Variants in NRXN1 observed in about 807,000 individuals in gnomAD.
NRXN1 encodes the protein neurexin 1, also known as neurexin-1.
Under a neutral mutation model 150.9 loss-of-function variants are expected in NRXN1, and 39 were observed. The ratio of observed to expected loss-of-function variants is 0.26; its 90% CI spans 0.20 to 0.34. The LOEUF (loss-of-function observed/expected upper bound fraction) is 0.34, where lower values mean the gene tolerates loss of function less well. Among genes scored for constraint, NRXN1 ranks in the 10% least tolerant of loss-of-function variants. The pLI is 1.00. For synonymous variants in NRXN1, 924 were observed against 757.0 expected (o/e 1.22, Z -3.62); for missense variants, 1,815 against 1,949.9 (o/e 0.93, Z 1.30).
intron 5 of NRXN1, among the ~76,000 whole-genome samples, chr2:50,887,608 CTA>C (rs758912646): frequency 6.6e-5 from 10 of 151,340 alleles, no homozygotes; most frequent in African/African-American, 9.7e-5. Flanking sequence ...CTTTTAATGT[CTA>C]TGAGTCAAAA....
intron 5 of NRXN1, among the ~76,000 whole-genome samples, chr2:50,693,973 T>C (rs1692438026): frequency 6.6e-6 from 1 of 152,028 alleles, no homozygotes; most frequent in Admixed American, 6.6e-5. Context: ...TTTTATTTTT[T>C]GTAGAAATAG....
chr2:50,165,685 T>A (rs1390292347), intron 18 of NRXN1, among the ~76,000 whole-genome samples: 1 of 152,150 alleles, frequency 6.6e-6, no homozygotes, highest in Non-Finnish European at 1.5e-5. Context: ...TCTCTGAGCC[T>A]TACTTTCCTC....
intron 17 of NRXN1, among the ~76,000 whole-genome samples, chr2:50,424,190 G>A (rs2084268488): frequency 1.1e-5 from 1 of 91,512 alleles, no homozygotes; most frequent in African/African-American, 4.9e-5. Context: ...AGGAAGAGGG[G>A]GAGGAGGAGG....
At chr2:50,746,223 C>A (rs1384021497) in intron 5 of NRXN1, among the ~76,000 whole-genome samples, 1 of 151,996 alleles carries the variant, frequency 6.6e-6, no homozygotes, top group Non-Finnish European at 1.5e-5. Context: ...CAAGAGCTCA[C>A]TGGTGTGAGG....
chr2:50,393,177 T>A (rs202163993), intron 17 of NRXN1, among the ~76,000 whole-genome samples: 19,007 of 121,168 alleles, frequency 0.16, 1,274 homozygotes, highest in African/African-American at 0.23. Context: ...AAAAAAAAAA[T>A]AATAATAAAA....
chr2:50,945,830 C>T (rs12616588), intron 2 of NRXN1, among the ~76,000 whole-genome samples: 119,026 of 149,080 alleles, frequency 0.8, 47,678 homozygotes, highest in East Asian at 0.99. Flanking sequence ...ACGACTTTAT[C>T]GTAAGAAACA....
chr2:50,158,302 C>A (rs1008090715), intron 18 of NRXN1, among the ~76,000 whole-genome samples: 37 of 151,602 alleles, frequency 2.4e-4, no homozygotes, highest in African/African-American at 8.7e-4. Context: ...TCAAAATATT[C>A]TCCAGCTTCA....
intron 17 of NRXN1, among the ~76,000 whole-genome samples, chr2:50,298,107 T>G (rs2073797334): frequency 1.3e-5 from 2 of 152,096 alleles, no homozygotes; most frequent in Non-Finnish European, 2.9e-5. Context: ...AATTTTGAAA[T>G]GACAGCAAAT....
Position 50,558,964 on chromosome 2 carries a change from C to A in NRXN1, c.1321-5939G>T, listed in dbSNP as rs1377532042. Among the ~76,000 whole-genome samples, 4 of 152,046 alleles carry A rather than the reference C, an allele frequency of 2.6e-5. No homozygotes were observed. In the East Asian group the frequency reaches 7.7e-4, roughly 29 times the overall value. On this transcript the variant is annotated intron_variant, in intron 8 of 22. Transcript: ENST00000401669. ...GGGTGTGGTGGCGGGCACCTGTAGT[C>A]CCAGCTACTTGGGAGGCTGAGGCAG...
intron 18 of NRXN1, among the ~76,000 whole-genome samples, chr2:50,145,084 G>A (rs1707813941): frequency 6.6e-6 from 1 of 151,356 alleles, no homozygotes; most frequent in Admixed American, 6.6e-5. Context: ...ATATAGAGAA[G>A]AAAATAGTAT....
At chr2:50,703,874 TA>T (rs1694087727) in intron 5 of NRXN1, among the ~76,000 whole-genome samples, 1 of 152,110 alleles carries the variant, frequency 6.6e-6, no homozygotes, top group African/African-American at 2.4e-5. Context: ...GAAACTTGCC[TA>T]AAGTCATATC....
chr2:50,640,083 T>A (rs1322751393), intron 5 of NRXN1, among the ~76,000 whole-genome samples: 2 of 152,158 alleles, frequency 1.3e-5, no homozygotes, highest in African/African-American at 4.8e-5. Flanking sequence ...ATGTCTAGTA[T>A]TCATAAGTTG....
intron 21 of NRXN1, among the ~76,000 whole-genome samples, chr2:50,021,163 G>A (rs4619645): frequency 0.72 from 109,381 of 152,078 alleles, 39,545 homozygotes; most frequent in African/African-American, 0.77. Flanking sequence ...AGATGTATAC[G>A]TGATCATCTA....
intron 2 of NRXN1, among the ~76,000 whole-genome samples, chr2:50,967,980 C>A (rs188484227): frequency 5.3e-5 from 8 of 152,042 alleles, no homozygotes; most frequent in Admixed American, 6.6e-5. Context: ...AGTTAAGAAT[C>A]TCTCTCGGGG....
rs535665433 is a variant in NRXN1 at position 50,160,301 on chromosome 2, G to T, written c.3547-68807C>A. On this transcript the variant is annotated intron_variant, in intron 18 of 22. Transcript: ENST00000401669. ...AACGTCTGTAATCCCAGCACTTTGG[G>T]AGGTCGAGGTGGGCAGATCACCTTA... 7.9e-5 allele frequency among the ~76,000 whole-genome samples: 12 copies of T among 152,208 alleles called. 1 individual carries two copies. The South Asian group carries it at 2.5e-3, about 32-fold the overall frequency.
intron 5 of NRXN1, among the ~76,000 whole-genome samples, chr2:50,881,618 A>G (rs1285269893): frequency 6.6e-6 from 1 of 151,916 alleles, no homozygotes; most frequent in Non-Finnish European, 1.5e-5. Flanking sequence ...AATTATGGAA[A>G]GTGAGGTCTA....
At chr2:50,668,871 G>A (rs1363039652) in intron 5 of NRXN1, among the ~76,000 whole-genome samples, 1 of 151,968 alleles carries the variant, frequency 6.6e-6, no homozygotes, top group Non-Finnish European at 1.5e-5. Context: ...AATGAAGGAG[G>A]AGGTAAATAG....
chr2:50,620,243 G>T, intron 7 of NRXN1, 60 bp from the exon 8 acceptor site: 3 of 1,498,372 alleles, frequency 2.0e-6, no homozygotes, highest in South Asian at 1.3e-5. Context: ...CTGTAATCCT[G>T]GGATATGCCT....
intron 8 of NRXN1, among the ~76,000 whole-genome samples, chr2:50,597,238 G>C (rs1258389708): frequency 6.6e-6 from 1 of 152,116 alleles, no homozygotes; most frequent in Non-Finnish European, 1.5e-5. Context: ...CTCTGTTATA[G>C]CTAGCTCAGA....
Sources: allele counts gnomAD v4.1 joint callset (sites outside exome capture counted in the v4.1 genomes callset), GRCh38; gene constraint gnomAD v4.1.1; transcripts MANE v1.5; gene names NCBI Gene and HGNC (gene_info 2026-07-23, HGNC 2026-07-21).